Variants in POT1 observed in about 807,000 individuals in gnomAD.
The protein encoded by POT1 is protection of telomeres 1.
Under a neutral mutation model 78.5 loss-of-function variants are expected in POT1, and 47 were observed. The ratio of observed to expected loss-of-function variants is 0.60; its 90% CI spans 0.47 to 0.76. POT1 has a LOEUF of 0.76. Ranked by LOEUF, POT1 falls within the 30% of genes least tolerant of loss-of-function variation. The probability of loss-of-function intolerance (pLI) is 0.00; values close to 1 mark genes in which losing one functional copy is unlikely to be tolerated. For synonymous variants in POT1, 259 were observed against 260.7 expected (o/e 0.99, Z 0.06); for missense variants, 646 against 749.9 (o/e 0.86, Z 1.62).
chr7:124,862,748 TC>T (rs1431522184), intron 8 of POT1, among the ~76,000 whole-genome samples: 1 of 152,166 alleles, frequency 6.6e-6, no homozygotes, highest in African/African-American at 2.4e-5. Context: ...AAATGTATCC[TC>T]CATAGGATGT....
intron 2 of POT1, among the ~76,000 whole-genome samples, chr7:124,919,413 T>G (rs769381491): frequency 2.0e-5 from 3 of 152,180 alleles, no homozygotes; most frequent in Non-Finnish European, 4.4e-5. Flanking sequence ...CATCCTGTTA[T>G]GGACTTAATT....
intron 14 of POT1, among the ~76,000 whole-genome samples, chr7:124,839,026 T>C (rs550896989): frequency 2.0e-5 from 3 of 152,262 alleles, no homozygotes; most frequent in South Asian, 4.1e-4. Context: ...AAGAAGAAAG[T>C]TGCAGGACAA....
At chr7:124,867,520 TC>T (rs1795757543) in intron 7 of POT1, among the ~76,000 whole-genome samples, 1 of 152,210 alleles carries the variant, frequency 6.6e-6, no homozygotes. Context: ...TATAGTGTCA[TC>T]TGGTGGAAAA....
chr7:124,831,444 G>A (rs1047135702), intron 15 of POT1, among the ~76,000 whole-genome samples: 1 of 152,038 alleles, frequency 6.6e-6, no homozygotes, highest in Admixed American at 6.6e-5. Context: ...TGAAAGTTTA[G>A]GAAACAACAC....
intron 3 of POT1, among the ~76,000 whole-genome samples, chr7:124,913,523 T>C (rs1190497588): frequency 6.6e-6 from 1 of 152,188 alleles, no homozygotes; most frequent in East Asian, 1.9e-4. Context: ...CTCATCCCTT[T>C]TGTAACATAT....
chr7:124,827,360 G>T, intron 16 of POT1, 55 bp from the exon 17 acceptor site: 1 of 1,035,794 alleles, frequency 9.7e-7, no homozygotes, highest in South Asian at 1.7e-5. Context: ...TTATTATCAA[G>T]GTAAAGTTAA....
At position 124,823,652 on chromosome 7, in the gene POT1, G is replaced by A. The variant is rs1037641733; in HGVS notation, c.*310C>T. 2 of 249,504 alleles carry A rather than the reference G, an allele frequency of 8.0e-6. No homozygotes were observed. The highest frequency in any genetic ancestry group is 5.7e-5 in the Admixed American group (1 of 17,550). 15.5% of individuals were successfully genotyped at this position (249,504 alleles called of 1,614,324 possible). ...ATTTATCCTAAAATCATCAGTATCA[G>A]CACCCCAACAAAGCAACTTTGCCAT... On this transcript the variant is annotated 3_prime_UTR_variant, in exon 19 of 19. Transcript: ENST00000357628.
chr7:124,867,838 G>A (rs1205701452), intron 7 of POT1, among the ~76,000 whole-genome samples: 1 of 151,852 alleles, frequency 6.6e-6, no homozygotes, highest in Non-Finnish European at 1.5e-5. Context: ...AGTAGAGACG[G>A]GGTTTCACCA....
At chr7:124,905,263 G>T (rs1047907606) in intron 3 of POT1, among the ~76,000 whole-genome samples, 1 of 152,090 alleles carries the variant, frequency 6.6e-6, no homozygotes, top group Non-Finnish European at 1.5e-5. Context: ...AAACAGCATG[G>T]TACTGGTACC....
intron 11 of POT1, among the ~76,000 whole-genome samples, chr7:124,848,821 G>GA (rs1054756065): frequency 3.3e-5 from 5 of 151,970 alleles, no homozygotes; most frequent in Non-Finnish European, 7.4e-5. Context: ...TTATCATGTT[G>GA]AAAAAATACA....
chr7:124,921,080 G>C (rs1797137763), intron 2 of POT1, among the ~76,000 whole-genome samples: 1 of 152,100 alleles, frequency 6.6e-6, no homozygotes, highest in African/African-American at 2.4e-5. Context: ...CTGGGTGACA[G>C]AGCAAGATCC....
intron 17 of POT1, 70 bp from the exon 18 acceptor site, chr7:124,825,427 A>G: frequency 1.2e-6 from 1 of 864,348 alleles, no homozygotes; most frequent in Non-Finnish European, 1.7e-6. Context: ...TTATTAACAC[A>G]TATTTCAATA....
At chr7:124,838,896 C>T (rs1199011283) in intron 14 of POT1, among the ~76,000 whole-genome samples, 5 of 152,072 alleles carry the variant, frequency 3.3e-5, no homozygotes, top group East Asian at 3.9e-4. Context: ...TGAGCCACTG[C>T]GCCCAGCTGG....
At chr7:124,900,705 C>T in intron 3 of POT1, 1 of 219,826 alleles carries the variant, frequency 4.5e-6, no homozygotes, top group Non-Finnish European at 1.0e-5. Flanking sequence ...AGGGCATCGC[C>T]TCACTGGGGA....
chr7:124,910,551 A>G (rs1263611292), intron 3 of POT1, among the ~76,000 whole-genome samples: 1 of 151,994 alleles, frequency 6.6e-6, no homozygotes, highest in African/African-American at 2.4e-5. Flanking sequence ...AAAACTGGTT[A>G]AATGTTAAAA....
In POT1 at chr7:124,867,658, T is replaced by A. The variant is rs865914077; in HGVS notation, c.255+3253A>T. Among the ~76,000 whole-genome samples, 4 of 150,722 alleles carry A rather than the reference T, an allele frequency of 2.7e-5. No individual in the cohort carries two copies. In the South Asian group the frequency reaches 8.3e-4, roughly 31 times the overall value. On this transcript the variant is annotated intron_variant, in intron 7 of 18. Coordinates refer to ENST00000357628, the MANE Select transcript of POT1 (RefSeq NM_015450.3). ...TTTTTATTTATTTATTTATTTATTA[T>A]TTTTTTTGGATGGAGTCGTGCTCTG...
At chr7:124,896,554 T>C (rs1796496423) in intron 5 of POT1, among the ~76,000 whole-genome samples, 2 of 151,686 alleles carry the variant, frequency 1.3e-5, no homozygotes, top group Admixed American at 1.3e-4. Context: ...TTCAAAAACA[T>C]AAGTAGAACA....
intron 7 of POT1, among the ~76,000 whole-genome samples, chr7:124,866,208 C>A (rs534755371): frequency 1.3e-5 from 2 of 151,650 alleles, no homozygotes; most frequent in Admixed American, 6.6e-5. Context: ...AAACTCTCTG[C>A]GAAGTCTTCT....
In POT1 at chr7:124,846,957, G is replaced by A. The variant is rs531061783; in HGVS notation, c.991C>T (p.Gln331Ter). The stretch of plus-strand genomic sequence containing the variant: ...ATAGTCTTACTTGTAGCAGATAGCT[G>A]TTGACATCTTTCTACCTCGTATAAT... ...VSLYEVERCQQLSATILTDHQ... is the reference protein window; with the variant it reads ...VSLYEVERCQ The change falls in exon 12 of 19, where the codon CAG (glutamine) becomes TAG (stop). Residue 331 changes from glutamine (Q) to a stop codon, truncating the protein, a stop_gained. Transcript: ENST00000357628. LOFTEE classifies it high-confidence loss of function. 2 of 1,603,680 alleles carry A rather than the reference G, an allele frequency of 1.2e-6. No homozygotes were observed. Among genetic ancestry groups the A allele is most frequent in the East Asian group, 2.2e-5 (1 of 44,752 alleles).
Sources: gnomAD v4.1 joint callset for allele counts (sites outside exome capture counted in the v4.1 genomes callset) on GRCh38, gnomAD v4.1.1 for gene constraint, MANE v1.5 for transcripts, NCBI Gene and HGNC (gene_info 2026-07-23, HGNC 2026-07-21) for gene names.